Variants in ROBO1 observed in about 807,000 individuals in gnomAD.
The protein encoded by ROBO1 is roundabout guidance receptor 1.
In ROBO1, 149 loss-of-function variants were observed where a neutral mutation model predicts 195.9. That is an observed-to-expected ratio of 0.76 (90% CI 0.67 to 0.87). The LOEUF is 0.87. Among genes scored for constraint, ROBO1 ranks in the 40% least tolerant of loss-of-function variants. ROBO1 has a pLI of 0.00. For missense variants in ROBO1, 1,933 were observed against 2,068.3 expected (o/e 0.93, Z 1.27); for synonymous variants, 816 against 733.2 (o/e 1.11, Z -1.82).
chr3:79,108,391 C>A (rs1222659213), intron 3 of ROBO1, among the ~76,000 whole-genome samples: 1 of 151,774 alleles, frequency 6.6e-6, no homozygotes, highest in Admixed American at 6.6e-5. Context: ...AATGTCCATT[C>A]AACTACTTTT....
intron 10 of ROBO1, among the ~76,000 whole-genome samples, chr3:78,677,078 C>A (rs1237176151): frequency 2.0e-5 from 3 of 152,088 alleles, no homozygotes. Flanking sequence ...CCAAACTAAG[C>A]TTCATAAGTG....
At chr3:79,039,297 G>A (rs1387174696) in intron 3 of ROBO1, among the ~76,000 whole-genome samples, 4 of 152,076 alleles carry the variant, frequency 2.6e-5, no homozygotes, top group Non-Finnish European at 5.9e-5. Flanking sequence ...GTTTTCTGGG[G>A]AATGTATTTT....
At chr3:78,696,609 A>G (rs2081295831) in intron 8 of ROBO1, among the ~76,000 whole-genome samples, 1 of 150,286 alleles carries the variant, frequency 6.7e-6, no homozygotes. Flanking sequence ...ACCTAAAATC[A>G]TTACTACCAA....
At chr3:78,651,955 TG>T in intron 18 of ROBO1, 26 bp from the exon 19 acceptor site, 1 of 1,594,390 alleles carries the variant, frequency 6.3e-7, no homozygotes. Context: ...CCGATTAATT[TG>T]GGTTGAAGAC....
chr3:79,677,044 C>A (rs1416719704), intron 1 of ROBO1, among the ~76,000 whole-genome samples: 8 of 151,966 alleles, frequency 5.3e-5, no homozygotes, highest in African/African-American at 1.7e-4. Context: ...CTGTAATAGA[C>A]AGACTCAAAG....
intron 1 of ROBO1, among the ~76,000 whole-genome samples, chr3:79,597,563 G>A (rs1944217853): frequency 6.6e-6 from 1 of 151,898 alleles, no homozygotes; most frequent in Non-Finnish European, 1.5e-5. Flanking sequence ...TACTTCATAT[G>A]TATTTAGGAA....
intron 1 of ROBO1, among the ~76,000 whole-genome samples, chr3:79,609,457 T>A (rs940662961): frequency 5.3e-5 from 8 of 151,912 alleles, no homozygotes; most frequent in African/African-American, 7.2e-5. Context: ...TTCCTTAAAA[T>A]AGTTAAGATA....
chr3:78,959,264 G>A (rs1215747470), intron 3 of ROBO1, among the ~76,000 whole-genome samples: 1 of 147,554 alleles, frequency 6.8e-6, no homozygotes, highest in Non-Finnish European at 1.5e-5. Context: ...TAAAAACAAA[G>A]TTTACTGAAA....
chr3:78,819,645 A>T (rs2108671833), intron 4 of ROBO1, among the ~76,000 whole-genome samples: 1 of 152,138 alleles, frequency 6.6e-6, no homozygotes, highest in South Asian at 2.1e-4. Flanking sequence ...CTCTCCCATG[A>T]TCTGTTTGTC....
intron 1 of ROBO1, among the ~76,000 whole-genome samples, chr3:79,657,265 A>G (rs1160041877): frequency 6.6e-6 from 1 of 152,114 alleles, no homozygotes; most frequent in Non-Finnish European, 1.5e-5. Context: ...AAGAAGAAAT[A>G]CACAATGCTG....
At chr3:79,249,822 T>C (rs1268985162) in intron 2 of ROBO1, among the ~76,000 whole-genome samples, 1 of 152,008 alleles carries the variant, frequency 6.6e-6, no homozygotes, top group Non-Finnish European at 1.5e-5. Flanking sequence ...TTCCCAAACC[T>C]CAGGAACATA....
intron 2 of ROBO1, among the ~76,000 whole-genome samples, chr3:79,170,645 A>C (rs760481398): frequency 6.6e-6 from 1 of 152,086 alleles, no homozygotes; most frequent in Non-Finnish European, 1.5e-5. Context: ...TTAGAGGTAA[A>C]AAATGTTGCC....
intron 4 of ROBO1, among the ~76,000 whole-genome samples, chr3:78,759,554 T>A (rs1265533230): frequency 6.6e-6 from 1 of 152,228 alleles, no homozygotes; most frequent in East Asian, 1.9e-4. Flanking sequence ...CCCCCTCTTG[T>A]CCATTTAAAT....
At chr3:78,664,718 A>G (rs1380398037) in intron 14 of ROBO1, among the ~76,000 whole-genome samples, 2 of 152,202 alleles carry the variant, frequency 1.3e-5, no homozygotes, top group Non-Finnish European at 2.9e-5. Flanking sequence ...CATTGCAGAA[A>G]TGGTTAGAGA....
At chr3:79,629,134 A>G (rs1475267351) in intron 1 of ROBO1, among the ~76,000 whole-genome samples, 1 of 152,038 alleles carries the variant, frequency 6.6e-6, no homozygotes, top group African/African-American at 2.4e-5. Context: ...TTTTAACTGG[A>G]CTCTAGACCA....
At chr3:79,675,046 A>T (rs936385475) in intron 1 of ROBO1, among the ~76,000 whole-genome samples, 3 of 151,938 alleles carry the variant, frequency 2.0e-5, no homozygotes, top group African/African-American at 7.2e-5. Context: ...ATATGTTTAC[A>T]TCTGGTTGAG....
chr3:79,613,812 A>G (rs1038424644), intron 1 of ROBO1, among the ~76,000 whole-genome samples: 1 of 152,048 alleles, frequency 6.6e-6, no homozygotes, highest in East Asian at 1.9e-4. Context: ...ATTGACTAAA[A>G]GTAAAAGGTT....
At chr3:79,429,578 A>ACTGAGCTAAACACTGCACTGAGC (rs1472442019) in intron 2 of ROBO1, among the ~76,000 whole-genome samples, 1 of 152,142 alleles carries the variant, frequency 6.6e-6, no homozygotes, top group East Asian at 1.9e-4. Flanking sequence ...AAACAACCTG[A>ACTGAGCTAAACACTGCACTGAGC]TTAACTGGCA....
intron 3 of ROBO1, among the ~76,000 whole-genome samples, chr3:78,965,406 C>T (rs1461861808): frequency 6.6e-6 from 1 of 151,960 alleles, no homozygotes; most frequent in Non-Finnish European, 1.5e-5. Flanking sequence ...ACTTAGTTTC[C>T]TTTTTTCATA....
Sources: allele counts gnomAD v4.1 joint callset (sites outside exome capture counted in the v4.1 genomes callset), GRCh38; gene constraint gnomAD v4.1.1; transcripts MANE v1.5; gene names NCBI Gene and HGNC (gene_info 2026-07-23, HGNC 2026-07-21).